Variants in AVL9 observed in about 807,000 individuals in gnomAD.
AVL9 encodes late secretory pathway protein AVL9 homolog.
In AVL9, 49 loss-of-function variants were observed where a neutral mutation model predicts 79.2. The ratio of observed to expected loss-of-function variants is 0.62; its 90% CI spans 0.49 to 0.79. The LOEUF is 0.79. AVL9 is among the 30% of genes least tolerant of loss of function. The pLI, the probability that AVL9 is intolerant of heterozygous loss-of-function variation, is 0.00. For missense variants in AVL9, 682 were observed against 776.8 expected, an observed-to-expected ratio of 0.88 and a Z score of 1.45; for synonymous variants, 299 against 280.6, an observed-to-expected ratio of 1.07 and a Z score of -0.65.
Position 32,548,856 on chromosome 7 carries a change from G to A in AVL9, c.310G>A (p.Val104Ile). ...YRQIEAKALKVRQADITRETV... is the reference protein window; with the variant it reads ...YRQIEAKALKIRQADITRETV... ...TCTTTGTTCATAATAGGCACTGAAA[G>A]TAAGGCAAGCAGATATCACCAGAGA... The change falls in exon 4 of 16, where the codon GTA becomes ATA. Residue 104 changes from valine (V) to isoleucine (I), a missense_variant. Transcript: ENST00000318709. The A allele has an allele frequency of 6.4e-7, 1 of 1,569,814 alleles. No homozygotes were observed. Among genetic ancestry groups the A allele is most frequent in the Non-Finnish European group, 8.6e-7 (1 of 1,161,288 alleles).
intron 15 of AVL9, among the ~76,000 whole-genome samples, chr7:32,582,977 C>G (rs976660796): frequency 5.9e-5 from 9 of 152,174 alleles, no homozygotes; most frequent in African/African-American, 1.2e-4. Flanking sequence ...AGCCACCATG[C>G]CTGGCCTAAC....
At chr7:32,564,043 C>T (rs1354705846) in intron 10 of AVL9, among the ~76,000 whole-genome samples, 1 of 152,142 alleles carries the variant, frequency 6.6e-6, no homozygotes, top group Non-Finnish European at 1.5e-5. Flanking sequence ...TGCTATTTCA[C>T]CGACCTGCCC....
At chr7:32,508,030 G>C (rs1421915358) in intron 1 of AVL9, among the ~76,000 whole-genome samples, 1 of 152,088 alleles carries the variant, frequency 6.6e-6, no homozygotes, top group Non-Finnish European at 1.5e-5. Context: ...TCCTCTTTTT[G>C]TGACGCACAT....
intron 1 of AVL9, among the ~76,000 whole-genome samples, chr7:32,512,829 G>A (rs1029228451): frequency 3.3e-5 from 5 of 152,130 alleles, no homozygotes; most frequent in African/African-American, 1.2e-4. Flanking sequence ...GCTAAAATTG[G>A]TTAAAACTAA....
intron 1 of AVL9, among the ~76,000 whole-genome samples, chr7:32,499,110 C>T (rs1026455180): frequency 1.1e-4 from 17 of 151,546 alleles, no homozygotes; most frequent in African/African-American, 3.9e-4. Context: ...TTACAGTGAG[C>T]GAAGATCTGC....
intron 2 of AVL9, among the ~76,000 whole-genome samples, chr7:32,543,834 A>G (rs549704144): frequency 6.6e-6 from 1 of 151,696 alleles, no homozygotes; most frequent in African/African-American, 2.4e-5. Context: ...GAAGGACTGT[A>G]TTTTACTATG....
chr7:32,511,076 A>G (rs556480258), intron 1 of AVL9, among the ~76,000 whole-genome samples: 110 of 144,540 alleles, frequency 7.6e-4, no homozygotes, highest in African/African-American at 2.6e-3. Flanking sequence ...CAGTCCTGGC[A>G]CTTCTGAACT....
intron 1 of AVL9, among the ~76,000 whole-genome samples, chr7:32,505,046 G>A (rs1415157949): frequency 1.3e-5 from 2 of 151,296 alleles, no homozygotes; most frequent in Non-Finnish European, 3.0e-5. Context: ...GCTAATTTTT[G>A]TATTTTTAGT....
At chr7:32,526,346 C>T (rs1035253218) in intron 1 of AVL9, among the ~76,000 whole-genome samples, 7 of 152,130 alleles carry the variant, frequency 4.6e-5, no homozygotes, top group Admixed American at 1.3e-4. Context: ...CAAAAGGGGC[C>T]GTCGTCCAAG....
At chr7:32,523,508 C>CTTTTTT (rs70992725) in intron 1 of AVL9, among the ~76,000 whole-genome samples, 76 of 79,278 alleles carry the variant, frequency 9.6e-4, no homozygotes, top group East Asian at 1.8e-3. Context: ...TATAAATTTC[C>CTTTTTT]TTTTTTTTTT....
At chr7:32,519,027 G>A (rs1328487902) in intron 1 of AVL9, among the ~76,000 whole-genome samples, 1 of 152,102 alleles carries the variant, frequency 6.6e-6, no homozygotes, top group Non-Finnish European at 1.5e-5. Context: ...AAAATCTTTT[G>A]GTTCTGCTTT....
Position 32,588,203 on chromosome 7 carries a change from T to C in AVL9, c.*4296T>C, listed in dbSNP as rs1791881806. 1 of 152,224 alleles carries C rather than the reference T, an allele frequency of 6.6e-6. No individual in the cohort carries two copies. Among genetic ancestry groups the C allele is most frequent in the African/African-American group, 2.4e-5 (1 of 41,460 alleles). 9.4% of individuals were successfully genotyped at this position (152,224 alleles called of 1,614,324 possible). ...TTTTTCGTGTGTGCAAATGTGAACA[T>C]TTGAACATTTCAGTTAGGTACTGAG... On this transcript the variant is annotated 3_prime_UTR_variant, in exon 16 of 16. Transcript: ENST00000318709.
At chr7:32,495,869 C>A in intron 1 of AVL9, 67 bp downstream of exon 1, 1 of 1,073,966 alleles carries the variant, frequency 9.3e-7, no homozygotes, top group Non-Finnish European at 1.2e-6. Flanking sequence ...CCCCCCTGCC[C>A]TGCTTCTGTG....
intron 1 of AVL9, among the ~76,000 whole-genome samples, chr7:32,512,353 A>G (rs181977536): frequency 1.3e-5 from 2 of 152,276 alleles, no homozygotes; most frequent in African/African-American, 4.8e-5. Flanking sequence ...AAGCCCTTTC[A>G]CATCATTTAC....
intron 1 of AVL9, among the ~76,000 whole-genome samples, chr7:32,497,000 T>A (rs1484259189): frequency 6.6e-6 from 1 of 152,200 alleles, no homozygotes; most frequent in African/African-American, 2.4e-5. Flanking sequence ...CTCGGTAGGC[T>A]AAGGTGGGAA....
intron 1 of AVL9, among the ~76,000 whole-genome samples, chr7:32,504,192 C>A (rs4723162): frequency 0.35 from 53,284 of 152,012 alleles, 9,671 homozygotes; most frequent in East Asian, 0.48. Flanking sequence ...AGTTCATTAA[C>A]ATTTCAATTA....
chr7:32,497,110 CTT>C (rs58043022), intron 1 of AVL9, among the ~76,000 whole-genome samples: 51,130 of 151,814 alleles, frequency 0.34, 8,878 homozygotes, highest in South Asian at 0.44. Context: ...AATCCCAGCA[CTT>C]TGGGAGGCCG....
Position 32,523,736 on chromosome 7 carries a change from C to CTTT in AVL9, c.94-19392_94-19390dup, listed in dbSNP as rs57458179. ...GTAGAGATGGGGTTTCTTTTCTTTT[C>CTTT]TTTTTTTTTTTTTTTGAGACGGAGT... On this transcript the variant is annotated intron_variant, in intron 1 of 15. Coordinates refer to ENST00000318709, the MANE Select transcript of AVL9 (RefSeq NM_015060.3). Among the ~76,000 whole-genome samples the CTTT allele has an allele frequency of 3.5e-4, 44 of 125,498 alleles. 2 individuals carry two copies. Among genetic ancestry groups the CTTT allele is most frequent in the Non-Finnish European group, 5.5e-4 (34 of 61,374 alleles). The allele number at this position is 125,498 out of a possible 152,430, so 82.3% of individuals were successfully genotyped here.
chr7:32,579,067 T>G (rs1249991837), intron 13 of AVL9, among the ~76,000 whole-genome samples: 1 of 151,548 alleles, frequency 6.6e-6, no homozygotes, highest in Non-Finnish European at 1.5e-5. Flanking sequence ...TCACATATAC[T>G]TACTTTGGGC....
Sources: gnomAD v4.1 joint callset for allele counts (sites outside exome capture counted in the v4.1 genomes callset) on GRCh38, gnomAD v4.1.1 for gene constraint, MANE v1.5 for transcripts, NCBI Gene and HGNC (gene_info 2026-07-23, HGNC 2026-07-21) for gene names.